Variants in CAMK2D observed in about 807,000 individuals in gnomAD.
CAMK2D encodes the protein calcium/calmodulin dependent protein kinase II delta.
A neutral mutation model predicts 84.0 loss-of-function variants in CAMK2D; 37 were observed. The ratio of observed to expected loss-of-function variants is 0.44; its 90% CI spans 0.34 to 0.58. The LOEUF (loss-of-function observed/expected upper bound fraction) is 0.58, where lower values mean the gene tolerates loss of function less well. Ranked by LOEUF, CAMK2D falls within the 20% of genes least tolerant of loss-of-function variation. The pLI, the probability that CAMK2D is intolerant of heterozygous loss-of-function variation, is 0.02. For synonymous variants in CAMK2D, 202 were observed against 212.5 expected, an observed-to-expected ratio of 0.95 and a Z score of 0.43; for missense variants, 448 against 652.5, an observed-to-expected ratio of 0.69 and a Z score of 3.41.
chr4:113,508,263 C>G (rs1476137982), intron 13 of CAMK2D: 1 of 1,547,462 alleles, frequency 6.5e-7, no homozygotes. Context: ...AACTGGACTT[C>G]CTTTTCTGAA....
At chr4:113,730,013 C>A (rs1441021661) in intron 2 of CAMK2D, among the ~76,000 whole-genome samples, 1 of 152,150 alleles carries the variant, frequency 6.6e-6, no homozygotes, top group Non-Finnish European at 1.5e-5. Flanking sequence ...GAGACTAAGA[C>A]ACACGTATTA....
At chr4:113,720,174 A>G (rs1416914341) in intron 2 of CAMK2D, among the ~76,000 whole-genome samples, 1 of 152,024 alleles carries the variant, frequency 6.6e-6, no homozygotes, top group East Asian at 1.9e-4. Flanking sequence ...AGGGGTCACA[A>G]ATCATTAGTC....
At chr4:113,746,535 G>A (rs1371098601) in intron 2 of CAMK2D, among the ~76,000 whole-genome samples, 1 of 152,048 alleles carries the variant, frequency 6.6e-6, no homozygotes, top group Non-Finnish European at 1.5e-5. Flanking sequence ...ATATAAGACA[G>A]TATATATTTT....
intron 17 of CAMK2D, among the ~76,000 whole-genome samples, chr4:113,463,442 T>C (rs770851322): frequency 2.0e-5 from 3 of 152,238 alleles, no homozygotes; most frequent in Non-Finnish European, 4.4e-5. Context: ...AATGGTGCGA[T>C]CTCAGCTCAC....
chr4:113,692,496 TCATA>T (rs1219304392), intron 2 of CAMK2D, among the ~76,000 whole-genome samples: 1 of 152,242 alleles, frequency 6.6e-6, no homozygotes, highest in East Asian at 1.9e-4. Flanking sequence ...ATTCATATAT[TCATA>T]CATACATATA....
chr4:113,459,185 G>GT (rs869052371), intron 18 of CAMK2D, among the ~76,000 whole-genome samples: 5 of 151,934 alleles, frequency 3.3e-5, no homozygotes, highest in Non-Finnish European at 7.4e-5. Context: ...GCATGGTGTG[G>GT]TTTTTAAAAA....
At chr4:113,624,926 A>G (rs992455244) in intron 3 of CAMK2D, among the ~76,000 whole-genome samples, 2 of 152,212 alleles carry the variant, frequency 1.3e-5, no homozygotes, top group Admixed American at 6.5e-5. Context: ...ACATCCTTTT[A>G]GCTACAATAA....
chr4:113,454,758 AAAT>A (rs1202198553), intron 20 of CAMK2D, among the ~76,000 whole-genome samples: 1 of 152,222 alleles, frequency 6.6e-6, no homozygotes, highest in Non-Finnish European at 1.5e-5. Context: ...GCTAAGCTAA[AAAT>A]AAAGAGACAG....
chr4:113,455,932 C>G (rs1450697687), intron 19 of CAMK2D, 111 bp from the exon 20 acceptor site: 2 of 659,610 alleles, frequency 3.0e-6, no homozygotes, highest in Non-Finnish European at 2.8e-6. Flanking sequence ...ACCCCTGGTA[C>G]TGTATGAATG....
At chr4:113,661,514 C>T (rs1185898259) in intron 3 of CAMK2D, among the ~76,000 whole-genome samples, 199 bp downstream of exon 3, 1 of 151,994 alleles carries the variant, frequency 6.6e-6, no homozygotes, top group East Asian at 1.9e-4. Flanking sequence ...TTTCACATTT[C>T]TACTTCAAAG....
chr4:113,667,024 T>C (rs1191242003), intron 2 of CAMK2D, among the ~76,000 whole-genome samples: 1 of 152,214 alleles, frequency 6.6e-6, no homozygotes, highest in Non-Finnish European at 1.5e-5. Flanking sequence ...TTTTTCACAT[T>C]TGTTTCATTT....
At chr4:113,628,898 G>C (rs2099078088) in intron 3 of CAMK2D, among the ~76,000 whole-genome samples, 1 of 152,078 alleles carries the variant, frequency 6.6e-6, no homozygotes, top group African/African-American at 2.4e-5. Flanking sequence ...AAGAGCTGCT[G>C]TACCTGGTCC....
chr4:113,514,173 G>A (rs543788304), intron 10 of CAMK2D, among the ~76,000 whole-genome samples: 1 of 152,342 alleles, frequency 6.6e-6, no homozygotes, highest in East Asian at 1.9e-4. Flanking sequence ...CCAGCACTTT[G>A]GAAGGCCAAG....
At position 113,509,627 on chromosome 4, in the gene CAMK2D, GT is replaced by G; in HGVS notation, c.984+10del. On this transcript the variant is annotated intron_variant, in intron 13 of 20. Transcript: ENST00000511664. ...AGTCAGAAATGGATTAGGGGCATCT[GT>G]TTAACTTACCTTTACTCCATCTGGT... is the stretch of plus-strand genomic sequence containing the variant. 6.3e-7 allele frequency: 1 copy of G among 1,575,228 alleles called. No homozygotes were observed. Among genetic ancestry groups the G allele is most frequent in the Non-Finnish European group, 8.7e-7 (1 of 1,144,542 alleles).
intron 2 of CAMK2D, among the ~76,000 whole-genome samples, chr4:113,691,914 T>TG (rs1199839019): frequency 1.3e-5 from 2 of 152,152 alleles, no homozygotes; most frequent in Non-Finnish European, 2.9e-5. Flanking sequence ...TATAATTCTG[T>TG]GTTGTGCTTT....
chr4:113,563,194 C>T lies in CAMK2D; in HGVS notation c.276-11098G>A, dbSNP rs1682649313. 2.0e-5 allele frequency among the ~76,000 whole-genome samples: 3 copies of T among 152,048 alleles called. No individual in the cohort carries two copies. In the South Asian group the frequency reaches 6.2e-4, roughly 31 times the overall value. On this transcript the variant is annotated intron_variant, in intron 4 of 20. Coordinates refer to ENST00000511664, the MANE Select transcript of CAMK2D (RefSeq NM_001321571.2). ...GCTTGAACCTGGTAGGTGGAGGTTG[C>T]AGTGAGCCGAGATCACGCCATTGCA...
chr4:113,673,077 A>G (rs1022137006), intron 2 of CAMK2D, among the ~76,000 whole-genome samples: 2 of 152,166 alleles, frequency 1.3e-5, no homozygotes, highest in Admixed American at 1.3e-4. Context: ...AGAGAAGGTA[A>G]TGAGACCCCC....
At chr4:113,580,627 T>C (rs1034551493) in intron 4 of CAMK2D, among the ~76,000 whole-genome samples, 3 of 152,162 alleles carry the variant, frequency 2.0e-5, no homozygotes, top group African/African-American at 7.2e-5. Flanking sequence ...GTAGGTCTGT[T>C]TGGTATCAAA....
rs1031288946 is a variant in CAMK2D, at chr4:113,452,226, T to C, written c.*2319A>G. ...GAGTCTTAGTTGTTAACTATATTGT[T>C]CTCAGCAACATTTTCCCAGAAGAGA... On this transcript the variant is annotated 3_prime_UTR_variant, in exon 21 of 21. Coordinates refer to ENST00000511664, the MANE Select transcript of CAMK2D (RefSeq NM_001321571.2). 1 of 151,986 alleles carries C rather than the reference T, an allele frequency of 6.6e-6. No homozygotes were observed. The highest frequency in any genetic ancestry group is 2.4e-5 in the African/African-American group (1 of 41,394). The allele number at this position is 151,986 out of a possible 1,614,324, so 9.4% of individuals were successfully genotyped here.
Sources: allele counts gnomAD v4.1 joint callset (sites outside exome capture counted in the v4.1 genomes callset), GRCh38; gene constraint gnomAD v4.1.1; transcripts MANE v1.5; gene names NCBI Gene and HGNC (gene_info 2026-07-23, HGNC 2026-07-21).